The following CPA6 variants were observed in gnomAD, a reference collection of about 807,000 sequenced individuals.
The protein encoded by CPA6 is carboxypeptidase B.
Under a neutral mutation model 63.3 loss-of-function variants are expected in CPA6, and 58 were observed. The ratio of observed to expected loss-of-function variants is 0.92; its 90% CI spans 0.74 to 1.14. The LOEUF is 1.14. Ranked by LOEUF, CPA6 falls within the 50% of genes most tolerant of loss-of-function variation. The pLI, the probability that CPA6 is intolerant of heterozygous loss-of-function variation, is 0.00. For missense variants in CPA6, 565 were observed against 526.6 expected (o/e 1.07, Z -0.71); for synonymous variants, 185 against 179.0 (o/e 1.03, Z -0.27).
chr8:67,624,259 A>G lies in CPA6; in HGVS notation c.117-8T>C. 5 of 1,392,072 alleles carry G rather than the reference A, an allele frequency of 3.6e-6. No individual in the cohort carries two copies. Among genetic ancestry groups the G allele is most frequent in the East Asian group, 2.3e-5 (1 of 43,748 alleles). The allele number at this position is 1,392,072 out of a possible 1,614,324, so 86.2% of individuals were successfully genotyped here. ...AATCTTATCACTTTATCACTACAAG[A>G]TAAGAAAAGAAAGATGATAATTACT... On this transcript the variant is annotated splice_region_variant and splice_polypyrimidine_tract_variant and intron_variant, in intron 1 of 10. Coordinates refer to ENST00000297770, the MANE Select transcript of CPA6 (RefSeq NM_020361.5).
intron 1 of CPA6, among the ~76,000 whole-genome samples, chr8:67,734,380 C>A (rs1317686755): frequency 2.0e-5 from 3 of 150,756 alleles, no homozygotes; most frequent in Non-Finnish European, 4.4e-5. Context: ...TTATTTTAGG[C>A]AGAGAAAAAC....
rs748471446 is a variant in CPA6 at position 67,517,915 on chromosome 8, A to G, written c.317+8T>C. ...TAAATTTTATAGCAAGTGAAAAGGA[A>G]TGCTTACTTGTACTGGATGTTGGCT... On this transcript the variant is annotated splice_region_variant and intron_variant, in intron 3 of 10. Coordinates refer to ENST00000297770, the MANE Select transcript of CPA6 (RefSeq NM_020361.5). The G allele has an allele frequency of 3.1e-6, 5 of 1,598,100 alleles. No homozygotes were observed. In the Admixed American group the frequency reaches 9.0e-5, roughly 29 times the overall value.
Position 67,422,641 on chromosome 8 carries a change from A to G in CPA6, c.1177T>C (p.Tyr393His). Reference sequence around the variant, plus strand: ...TCACGTAGTTCGAAAGCAAATGCATAAGGTATTCCATTTTTGTAGGCCCAA... The same window carrying G: ...TCACGTAGTTCGAAAGCAAATGCATGAGGTATTCCATTTTTGTAGGCCCAA... Reference protein sequence around the residue: ...MDWAYKNGIPYAFAFELRDTG... With the variant: ...MDWAYKNGIPHAFAFELRDTG... The change falls in exon 11 of 11, where the codon TAT (tyrosine) becomes CAT (histidine). Residue 393 changes from tyrosine (Y) to histidine (H), a missense_variant. Transcript: ENST00000297770. 6.2e-7 allele frequency: 1 copy of G among 1,614,096 alleles called. No homozygotes were observed. The highest frequency in any genetic ancestry group is 1.7e-5 in the Admixed American group (1 of 60,026).
At chr8:67,612,600 G>A (rs1814840017) in intron 2 of CPA6, among the ~76,000 whole-genome samples, 1 of 152,182 alleles carries the variant, frequency 6.6e-6, no homozygotes, top group African/African-American at 2.4e-5. Context: ...TAGCCTCAAA[G>A]CAAATCCAAT....
intron 1 of CPA6, among the ~76,000 whole-genome samples, chr8:67,662,159 A>G (rs1471967120): frequency 1.3e-5 from 2 of 152,194 alleles, no homozygotes; most frequent in Non-Finnish European, 2.9e-5. Context: ...GGCATTGGAT[A>G]TAAGGTTAGA....
intron 2 of CPA6, among the ~76,000 whole-genome samples, chr8:67,592,145 C>T (rs1263736240): frequency 6.6e-6 from 1 of 152,190 alleles, no homozygotes; most frequent in Admixed American, 6.5e-5. Context: ...TTGAGATAAT[C>T]ACGTGGTTTT....
At chr8:67,713,263 T>G (rs1817311266) in intron 1 of CPA6, among the ~76,000 whole-genome samples, 1 of 151,546 alleles carries the variant, frequency 6.6e-6, no homozygotes, top group South Asian at 2.1e-4. Flanking sequence ...TTTAATATTT[T>G]CAGACCACAG....
At chr8:67,685,954 T>A (rs1285926463) in intron 1 of CPA6, among the ~76,000 whole-genome samples, 1 of 152,206 alleles carries the variant, frequency 6.6e-6, no homozygotes. Flanking sequence ...CAGCAATCCA[T>A]CCTACCTTTC....
intron 1 of CPA6, among the ~76,000 whole-genome samples, chr8:67,698,963 G>A (rs999514575): frequency 6.6e-6 from 1 of 152,190 alleles, no homozygotes; most frequent in Non-Finnish European, 1.5e-5. Context: ...GCACTTGGCA[G>A]GCCACTCTGC....
At chr8:67,519,096 G>A (rs1324850317) in intron 2 of CPA6, among the ~76,000 whole-genome samples, 1 of 152,170 alleles carries the variant, frequency 6.6e-6, no homozygotes, top group Non-Finnish European at 1.5e-5. Flanking sequence ...TGTTGCAAGA[G>A]TGTAGACCTC....
intron 2 of CPA6, among the ~76,000 whole-genome samples, chr8:67,616,473 C>A (rs1587638478): frequency 6.6e-6 from 1 of 150,482 alleles, no homozygotes; most frequent in Non-Finnish European, 1.5e-5. Context: ...AACTGTCATC[C>A]TCCATCTGGG....
At chr8:67,590,287 C>G (rs1417741317) in intron 2 of CPA6, among the ~76,000 whole-genome samples, 2 of 151,298 alleles carry the variant, frequency 1.3e-5, no homozygotes, top group African/African-American at 4.9e-5. Flanking sequence ...TCCAGTCTAT[C>G]ATTGTTGGAC....
At chr8:67,612,507 A>T (rs1814837630) in intron 2 of CPA6, among the ~76,000 whole-genome samples, 1 of 152,156 alleles carries the variant, frequency 6.6e-6, no homozygotes, top group African/African-American at 2.4e-5. Context: ...TCTCAATATG[A>T]TGCTGATTCT....
At chr8:67,634,269 G>A (rs1018504204) in intron 1 of CPA6, among the ~76,000 whole-genome samples, 8 of 149,210 alleles carry the variant, frequency 5.4e-5, no homozygotes, top group Admixed American at 3.3e-4. Context: ...GCCCAGGCTG[G>A]AGTGCAGTGG....
intron 6 of CPA6, among the ~76,000 whole-genome samples, chr8:67,501,312 T>C (rs968478039): frequency 1.3e-5 from 2 of 152,166 alleles, no homozygotes; most frequent in African/African-American, 4.8e-5. Context: ...ATTTCACTTT[T>C]TTGAGTAATT....
intron 2 of CPA6, among the ~76,000 whole-genome samples, chr8:67,550,868 C>A (rs995169531): frequency 1.3e-5 from 2 of 151,930 alleles, no homozygotes; most frequent in Non-Finnish European, 2.9e-5. Flanking sequence ...TGTCTTTTGC[C>A]CACTTTTAAT....
intron 1 of CPA6, among the ~76,000 whole-genome samples, chr8:67,717,567 A>G (rs1040253099): frequency 6.6e-6 from 1 of 152,214 alleles, no homozygotes; most frequent in Non-Finnish European, 1.5e-5. Context: ...CTGCTTTATG[A>G]TTTAAGAGCT....
intron 2 of CPA6, among the ~76,000 whole-genome samples, chr8:67,579,220 G>A (rs1813703506): frequency 6.6e-6 from 1 of 152,210 alleles, no homozygotes; most frequent in African/African-American, 2.4e-5. Context: ...ACACCAGCCT[G>A]GCCAACATGG....
intron 1 of CPA6, among the ~76,000 whole-genome samples, chr8:67,682,195 A>T (rs1293762926): frequency 6.7e-6 from 1 of 149,544 alleles, no homozygotes; most frequent in Non-Finnish European, 1.5e-5. Flanking sequence ...TAATTTGTAG[A>T]GTTTCTGGCC....
Sources: gnomAD v4.1 joint callset for allele counts (sites outside exome capture counted in the v4.1 genomes callset) on GRCh38, gnomAD v4.1.1 for gene constraint, MANE v1.5 for transcripts, NCBI Gene and HGNC (gene_info 2026-07-23, HGNC 2026-07-21) for gene names.